Variants in ZNF532 observed in about 807,000 individuals in gnomAD.
ZNF532 encodes zinc finger protein 532.
A neutral mutation model predicts 89.3 loss-of-function variants in ZNF532; 22 were observed. That is an observed-to-expected ratio of 0.25 (90% CI 0.18 to 0.35). The LOEUF is 0.35. Ranked by LOEUF, ZNF532 falls within the 10% of genes least tolerant of loss-of-function variation. The pLI is 1.00. For synonymous variants in ZNF532, 606 were observed against 649.6 expected (o/e 0.93, Z 1.02); for missense variants, 1,132 against 1,643.4 (o/e 0.69, Z 5.38).
intron 2 of ZNF532, among the ~76,000 whole-genome samples, chr18:58,875,349 G>A (rs1288622381): frequency 6.6e-6 from 1 of 152,136 alleles, no homozygotes; most frequent in Non-Finnish European, 1.5e-5. Context: ...GCTAGAAAAT[G>A]TAAAACTAGA....
At chr18:58,942,245 A>C (rs2063186074) in intron 5 of ZNF532, among the ~76,000 whole-genome samples, 1 of 149,210 alleles carries the variant, frequency 6.7e-6, no homozygotes. Flanking sequence ...GATGGTCTCG[A>C]ACTCCTGACC....
At chr18:58,940,746 C>T (rs1188540841) in intron 5 of ZNF532, among the ~76,000 whole-genome samples, 1 of 152,138 alleles carries the variant, frequency 6.6e-6, no homozygotes. Context: ...CTTGTGCACA[C>T]AGCACTGGAT....
At chr18:58,950,553 G>GAGGA (rs1429030510) in intron 6 of ZNF532, among the ~76,000 whole-genome samples, 1 of 151,820 alleles carries the variant, frequency 6.6e-6, no homozygotes, top group Admixed American at 6.6e-5. Flanking sequence ...AGTTTTTCAT[G>GAGGA]AGGAAGGAAG....
chr18:58,906,191 G>A (rs1269715960), intron 2 of ZNF532, among the ~76,000 whole-genome samples: 5 of 152,194 alleles, frequency 3.3e-5, no homozygotes, highest in Admixed American at 6.5e-5. Flanking sequence ...AAGGGGCAGG[G>A]AGTTCTTCAC....
chr18:58,957,703 A>T (rs906333041), intron 7 of ZNF532, among the ~76,000 whole-genome samples: 1 of 152,164 alleles, frequency 6.6e-6, no homozygotes, highest in Non-Finnish European at 1.5e-5. Context: ...GAAGAACTTT[A>T]CTAAAAAGAA....
chr18:58,955,315 CATGAGGAA>C (rs2064656189), intron 7 of ZNF532, among the ~76,000 whole-genome samples: 1 of 152,148 alleles, frequency 6.6e-6, no homozygotes, highest in Non-Finnish European at 1.5e-5. Flanking sequence ...TGTATTTCAT[CATGAGGAA>C]CATAATACCA....
chr18:58,934,710 C>T lies in ZNF532; in HGVS notation c.2528+96C>T, dbSNP rs114278407. 1.5e-3 allele frequency: 1,764 copies of T among 1,209,088 alleles called. 16 individuals carry two copies. The African/African-American group carries it at 0.024, about 16-fold the overall frequency. 74.9% of individuals were successfully genotyped at this position (1,209,088 alleles called of 1,614,324 possible). Reference sequence around the variant, plus strand: ...TGCACACACAGTTTTCTGGGTCATACGGTGATACCTCGATTAACAGATCCT... The same window carrying T: ...TGCACACACAGTTTTCTGGGTCATATGGTGATACCTCGATTAACAGATCCT... On this transcript the variant is annotated intron_variant, in intron 4 of 9. Transcript: ENST00000591808.
intron 2 of ZNF532, among the ~76,000 whole-genome samples, chr18:58,895,262 A>G (rs900616167): frequency 6.6e-5 from 10 of 152,232 alleles, no homozygotes; most frequent in African/African-American, 2.4e-4. Context: ...GTTTGGCTGC[A>G]AAGGAACAGA....
At chr18:58,969,873 CTTTT>C (rs10617418) in intron 7 of ZNF532, among the ~76,000 whole-genome samples, 161 of 84,748 alleles carry the variant, frequency 1.9e-3, no homozygotes, top group African/African-American at 8.3e-3. Context: ...ATATTTGTCC[CTTTT>C]TTTTTTTTTT....
intron 7 of ZNF532, among the ~76,000 whole-genome samples, chr18:58,970,050 A>AT (rs950421169): frequency 2.0e-5 from 3 of 151,612 alleles, no homozygotes; most frequent in African/African-American, 7.3e-5. Context: ...CTCCCGGCTA[A>AT]TTTTTTTGTG....
chr18:58,880,751 GGCGCGCGCGCACGCGC>G (rs1191074840), intron 2 of ZNF532, among the ~76,000 whole-genome samples: 30 of 80,228 alleles, frequency 3.7e-4, no homozygotes, highest in South Asian at 4.8e-4. Context: ...CCCTCTCATA[GGCGCGCGCGCACGCGC>G]GCGCGTCTGT....
intron 3 of ZNF532, among the ~76,000 whole-genome samples, chr18:58,925,606 T>G (rs780000086): frequency 3.3e-5 from 5 of 152,222 alleles, no homozygotes; most frequent in Admixed American, 3.3e-4. Flanking sequence ...AGCAAAAGTT[T>G]GTAATTTTCG....
chr18:58,978,847 T>TTTAA (rs2067366577), intron 7 of ZNF532, among the ~76,000 whole-genome samples: 1 of 152,202 alleles, frequency 6.6e-6, no homozygotes, highest in African/African-American at 2.4e-5. Context: ...ATAAAATAAT[T>TTTAA]TTAATTTTGT....
At chr18:58,940,672 C>T (rs1362361049) in intron 5 of ZNF532, among the ~76,000 whole-genome samples, 1 of 152,132 alleles carries the variant, frequency 6.6e-6, no homozygotes, top group African/African-American at 2.4e-5. Flanking sequence ...CACAACAGTG[C>T]CTGTGTCTGG....
chr18:58,934,261 A>G, intron 3 of ZNF532, 172 bp from the exon 4 acceptor site: 1 of 586,524 alleles, frequency 1.7e-6, no homozygotes, highest in Non-Finnish European at 3.0e-6. Flanking sequence ...AGGATAGAGA[A>G]TTGTACGCTG....
At position 58,919,834 on chromosome 18, in the gene ZNF532, A is replaced by G. The variant is rs2060895267; in HGVS notation, c.1547A>G (p.Lys516Arg). The change falls in exon 3 of 10, where the codon AAA becomes AGA. Residue 516 changes from lysine (K) to arginine (R), a missense_variant. This residue lies in a region of ZNF532 where 97 missense variants were observed against 143.7 expected (regional missense o/e 0.68). Transcript: ENST00000591808. The surrounding 1 kb of genome is among the most constrained non-coding windows in gnomAD (Gnocchi z 6.1). ...VVPASSLANA[K>R]LVPKTVHLAN... ...CCGGCATCCAGCCTGGCCAATGCCA[A>G]ACTCGTGCCAAAGACTGTGCACCTT... The G allele has an allele frequency of 1.2e-6, 2 of 1,613,924 alleles. No individual in the cohort carries two copies. The highest frequency in any genetic ancestry group is 2.7e-5 in the African/African-American group (2 of 74,948).
intron 7 of ZNF532, among the ~76,000 whole-genome samples, chr18:58,977,128 A>C (rs887151890): frequency 2.0e-5 from 3 of 152,186 alleles, no homozygotes; most frequent in Non-Finnish European, 4.4e-5. Context: ...AACTTGGAGA[A>C]GAAATTTTCT....
At chr18:58,869,658 G>C (rs917995451) in intron 2 of ZNF532, among the ~76,000 whole-genome samples, 13 of 151,726 alleles carry the variant, frequency 8.6e-5, no homozygotes, top group African/African-American at 2.9e-4. Context: ...AAGTTATTCA[G>C]CTTTTATGTA....
chr18:58,876,733 T>C (rs952869695), intron 2 of ZNF532, among the ~76,000 whole-genome samples: 4 of 152,200 alleles, frequency 2.6e-5, no homozygotes, highest in African/African-American at 9.6e-5. Flanking sequence ...TATGACTTCA[T>C]GAAGACTGTC....
Sources: gnomAD v4.1 joint callset for allele counts (sites outside exome capture counted in the v4.1 genomes callset) on GRCh38, gnomAD v4.1.1 for gene constraint, gnomAD v4.1.1 regional missense constraint, Gnocchi (gnomAD v3.1) non-coding constraint, MANE v1.5 for transcripts, NCBI Gene and HGNC (gene_info 2026-07-23, HGNC 2026-07-21) for gene names.